The following CCDC18 variants were observed in gnomAD, a reference collection of about 807,000 sequenced individuals.
CCDC18 encodes coiled-coil domain containing 18, also known as coiled-coil domain-containing protein 18.
Under a neutral mutation model 196.0 loss-of-function variants are expected in CCDC18, and 157 were observed. The observed-to-expected ratio is 0.80, with a 90% CI of 0.70 to 0.91. The LOEUF (loss-of-function observed/expected upper bound fraction) is 0.91, where lower values mean the gene tolerates loss of function less well. CCDC18 is among the 40% of genes least tolerant of loss of function. The pLI is 0.00. For missense variants in CCDC18, 1,465 were observed against 1,611.6 expected (o/e 0.91, Z 1.56); for synonymous variants, 482 against 529.2 (o/e 0.91, Z 1.22).
chr1:93,204,101 A>C (rs184867926), intron 7 of CCDC18, among the ~76,000 whole-genome samples: 1 of 152,306 alleles, frequency 6.6e-6, no homozygotes, highest in East Asian at 1.9e-4. Context: ...AAGGTGAAGA[A>C]GCTGTGGTAA....
chr1:93,193,568 G>C (rs749122192), intron 5 of CCDC18, 48 bp from the exon 6 acceptor site: 1 of 1,282,624 alleles, frequency 7.8e-7, no homozygotes, highest in Admixed American at 2.6e-5. Context: ...TTGCATACCT[G>C]GGATAATCTC....
At chr1:93,204,976 AAG>A (rs1381966787) in intron 7 of CCDC18, among the ~76,000 whole-genome samples, 1 of 152,156 alleles carries the variant, frequency 6.6e-6, no homozygotes, top group Non-Finnish European at 1.5e-5. Flanking sequence ...AGAAGAATGT[AAG>A]AGACAGGTTT....
chr1:93,203,452 G>A (rs1654180069), intron 7 of CCDC18, among the ~76,000 whole-genome samples: 1 of 152,106 alleles, frequency 6.6e-6, no homozygotes, highest in South Asian at 2.1e-4. Context: ...AATTAAAGTG[G>A]TAGAAGCCTT....
chr1:93,187,459 A>G (rs1343343502), intron 4 of CCDC18, among the ~76,000 whole-genome samples: 1 of 152,066 alleles, frequency 6.6e-6, no homozygotes, highest in East Asian at 1.9e-4. Context: ...GTTTGTATGT[A>G]AATATATATA....
chr1:93,191,945 C>G, intron 4 of CCDC18, 55 bp from the exon 5 acceptor site: 3 of 1,251,080 alleles, frequency 2.4e-6, no homozygotes, highest in East Asian at 2.3e-5. Flanking sequence ...AACTAAGGAC[C>G]AAGTAGGTTA....
At chr1:93,222,280 C>T (rs910396109) in intron 16 of CCDC18, among the ~76,000 whole-genome samples, 3 of 151,444 alleles carry the variant, frequency 2.0e-5, no homozygotes, top group Non-Finnish European at 4.4e-5. Context: ...TTCTTTAGAG[C>T]GAATTATGAT....
chr1:93,270,853 T>C, intron 28 of CCDC18, 39 bp downstream of exon 28: 1 of 1,382,880 alleles, frequency 7.2e-7, no homozygotes, highest in East Asian at 2.6e-5. Flanking sequence ...ATAATTTGTT[T>C]CCAAAGAATA....
rs150414480 is a variant in CCDC18 at position 93,207,125 on chromosome 1, TAAC to T, written c.940_942del (p.Asn314del). ...TTCATAGGCAGTTAAAAGAAGAAAA[TAAC>T]AACGGAAAAGAAAAATTAAGGATCA... On this transcript the variant is annotated inframe_deletion, in exon 9 of 29. Coordinates refer to ENST00000690025, the MANE Select transcript of CCDC18 (RefSeq NM_001378204.1). The T allele has an allele frequency of 3.0e-4, 458 of 1,513,568 alleles. 2 individuals are homozygous for T. In the African/African-American group the frequency reaches 5.4e-3, roughly 18 times the overall value. 93.8% of individuals were successfully genotyped at this position (1,513,568 alleles called of 1,614,324 possible). A position where few individuals can be genotyped will look rare whatever the true frequency, so the allele number is the denominator to read the frequency against.
chr1:93,265,603 AGAATGT>A (rs1664390980), intron 27 of CCDC18, among the ~76,000 whole-genome samples: 1 of 152,224 alleles, frequency 6.6e-6, no homozygotes, highest in South Asian at 2.1e-4. Flanking sequence ...TGTGATTTTA[AGAATGT>A]GAATGTAGGA....
chr1:93,261,131 C>T (rs1006679649), intron 26 of CCDC18, among the ~76,000 whole-genome samples: 1 of 152,038 alleles, frequency 6.6e-6, no homozygotes, highest in Non-Finnish European at 1.5e-5. Context: ...TGGGTATATA[C>T]CCAGTAATGG....
In CCDC18 at chr1:93,244,069, C is replaced by T. The variant is rs182921881; in HGVS notation, c.2982-2036C>T. ...GTTGATAAAGACATACCTGAGACTG[C>T]ACAATTTACAAAAGAAAGAGGTTTA... On this transcript the variant is annotated intron_variant, in intron 21 of 28. Coordinates refer to ENST00000690025, the MANE Select transcript of CCDC18 (RefSeq NM_001378204.1). 1.9e-3 allele frequency among the ~76,000 whole-genome samples: 285 copies of T among 152,276 alleles called. 4 individuals carry two copies. The highest frequency in any genetic ancestry group is 9.8e-4 in the Non-Finnish European group (67 of 68,028).
In CCDC18 at chr1:93,180,782, A is replaced by G; in HGVS notation, c.-73A>G. On this transcript the variant is annotated 5_prime_UTR_variant, in exon 1 of 29. Transcript: ENST00000690025. ...TCTCCGAGTTGTGTCCGAGGCTTCC[A>G]CGCGCAGGGGCCCGGGAAAGGGTCA... 7.3e-7 allele frequency: 1 copy of G among 1,367,630 alleles called. No homozygotes were observed. The highest frequency in any genetic ancestry group is 9.8e-7 in the Non-Finnish European group (1 of 1,021,906). The allele number at this position is 1,367,630 out of a possible 1,614,324, so 84.7% of individuals were successfully genotyped here.
At chr1:93,222,083 C>G (rs1288255201) in intron 16 of CCDC18, 147 bp downstream of exon 16, 1 of 557,526 alleles carries the variant, frequency 1.8e-6, no homozygotes, top group Non-Finnish European at 3.2e-6. Flanking sequence ...AATCCTCCCA[C>G]ATGAGCCTCC....
chr1:93,211,404 C>T (rs1299402730), intron 10 of CCDC18, among the ~76,000 whole-genome samples: 1 of 151,994 alleles, frequency 6.6e-6, no homozygotes, highest in Non-Finnish European at 1.5e-5. Context: ...ATTGATTCTC[C>T]TTAAAATTTG....
At chr1:93,215,829 C>T (rs569190140) in intron 12 of CCDC18, among the ~76,000 whole-genome samples, 2 of 152,214 alleles carry the variant, frequency 1.3e-5, no homozygotes, top group East Asian at 3.9e-4. Flanking sequence ...TGCATGTAAA[C>T]CTGAAACAAC....
intron 27 of CCDC18, among the ~76,000 whole-genome samples, chr1:93,268,976 T>C (rs943394329): frequency 4.6e-5 from 7 of 152,030 alleles, no homozygotes; most frequent in African/African-American, 2.4e-5. Flanking sequence ...CACATGCACA[T>C]GTATGTTTAT....
At position 93,264,766 on chromosome 1, in the gene CCDC18, T is replaced by C; in HGVS notation, c.3750T>C (p.Val1250=). 6.2e-7 allele frequency: 1 copy of C among 1,613,416 alleles called. No homozygotes were observed. The highest frequency in any genetic ancestry group is 2.2e-5 in the East Asian group (1 of 44,770). The change falls in exon 27 of 29, where the codon GTT becomes GTC. Residue 1250 remains valine (V), a synonymous_variant. Transcript: ENST00000690025. ...CTGCTGACTCTCAAAAGTCTTCTGT[T>C]CAGCAACTAAACGAACAGTTAGAGA... ...KISADSQKSS[V]QQLNEQLEKA...
intron 13 of CCDC18, among the ~76,000 whole-genome samples, chr1:93,216,998 G>A (rs2102107977): frequency 7.0e-6 from 1 of 143,476 alleles, no homozygotes; most frequent in Middle Eastern, 3.6e-3. Flanking sequence ...GCAGTGGTGT[G>A]ATCTCGGCTC....
intron 23 of CCDC18, among the ~76,000 whole-genome samples, chr1:93,250,318 C>T (rs1333876940): frequency 2.8e-5 from 4 of 143,268 alleles, no homozygotes; most frequent in African/African-American, 1.1e-4. Flanking sequence ...GAGGTCGAGG[C>T]TGCAGTGAGC....
Sources: gnomAD v4.1 joint callset for allele counts (sites outside exome capture counted in the v4.1 genomes callset) on GRCh38, gnomAD v4.1.1 for gene constraint, MANE v1.5 for transcripts, NCBI Gene and HGNC (gene_info 2026-07-23, HGNC 2026-07-21) for gene names.